The following MDM1 variants were observed in gnomAD, a reference collection of about 807,000 sequenced individuals.
The protein encoded by MDM1 is stabilizer of axonemal microtubules 6.
A neutral mutation model predicts 89.1 loss-of-function variants in MDM1; 61 were observed. The observed-to-expected ratio is 0.68, with a 90% CI of 0.56 to 0.85. The LOEUF (loss-of-function observed/expected upper bound fraction) is 0.85. Among genes scored for constraint, MDM1 ranks in the 40% least tolerant of loss-of-function variants. The pLI is 0.00. For missense variants in MDM1, 820 were observed against 846.5 expected, an observed-to-expected ratio of 0.97 and a Z score of 0.39; for synonymous variants, 290 against 294.1, an observed-to-expected ratio of 0.99 and a Z score of 0.14.
Position 68,313,432 on chromosome 12 carries a change from A to T in MDM1, c.1749+11T>A. On this transcript the variant is annotated intron_variant, in intron 12 of 14. Transcript: ENST00000682720. ...CTAGATGAGATGCTTTTTTCCCCAA[A>T]ACATGTTTACCTTAGTAAAATCATT... is the stretch of plus-strand genomic sequence containing the variant. The T allele has an allele frequency of 1.3e-6, 2 of 1,581,588 alleles. No homozygotes were observed. Among genetic ancestry groups the T allele is most frequent in the Non-Finnish European group, 1.7e-6 (2 of 1,153,784 alleles).
At chr12:68,318,969 T>C (rs1357089666) in intron 7 of MDM1, among the ~76,000 whole-genome samples, 1 of 152,204 alleles carries the variant, frequency 6.6e-6, no homozygotes, top group African/African-American at 2.4e-5. Context: ...GTCTTTACAA[T>C]GTCTGTCAAA....
In MDM1 at chr12:68,315,196, C is replaced by G. The variant is rs147359308; in HGVS notation, c.1281G>C (p.Val427=). The change falls in exon 10 of 15, where the codon GTG becomes GTC. Residue 427 remains valine, a synonymous_variant. Transcript: ENST00000682720. ...TGGTATTTTTCTGGGGCTGTTCTTC[C>G]ACGATATTTCCTTTTTCTTCTGGTT... ...STEPEEKGNI[V]EEQPQKNTTE... 622 of 1,614,066 alleles carry G rather than the reference C, an allele frequency of 3.9e-4. No individual in the cohort carries two copies. The highest frequency in any genetic ancestry group is 4.8e-4 in the Non-Finnish European group (564 of 1,180,034).
rs1875458886 is a variant in MDM1 at position 68,323,114 on chromosome 12, T to A, written c.760A>T (p.Arg254Ter). 1 of 1,609,594 alleles carries A rather than the reference T, an allele frequency of 6.2e-7. No individual in the cohort carries two copies. Among genetic ancestry groups the A allele is most frequent in the African/African-American group, 1.3e-5 (1 of 74,624 alleles). Residue 254 changes from arginine (R) to a stop codon, truncating the protein, a stop_gained, in exon 5 of 15, where the codon AGA (arginine) becomes TGA (stop). Coordinates refer to ENST00000682720, the MANE Select transcript of MDM1 (RefSeq NM_001354969.2). LOFTEE classifies it high-confidence loss of function. ...ACTGTTTCAAGATTTCTGTTTTCTC[T>A]CAAATCATTTCTTAATTTTGGTTCT... ...VKEPKLRNDL[R>*]ENRNLETVSP... is the part of the protein sequence containing the mutation.
intron 1 of MDM1, 173 bp downstream of exon 1, chr12:68,332,055 C>T: frequency 1.2e-6 from 1 of 808,380 alleles, no homozygotes; most frequent in East Asian, 2.7e-5. Flanking sequence ...GGAGAGGGAA[C>T]TAGGTTAAGA....
chr12:68,327,145 T>TAC (rs1362591531), intron 2 of MDM1, 124 bp from the exon 3 acceptor site: 4 of 1,410,220 alleles, frequency 2.8e-6, no homozygotes, highest in South Asian at 3.3e-5. Flanking sequence ...TACCTATATA[T>TAC]ACACACAATA....
At chr12:68,316,404 T>A (rs1874512085) in intron 8 of MDM1, 151 bp from the exon 9 acceptor site, 1 of 991,044 alleles carries the variant, frequency 1.0e-6, no homozygotes, top group African/African-American at 1.6e-5. Flanking sequence ...AGACTGTGCA[T>A]TTAAGCAAAA....
chr12:68,303,872 G>A (rs760501087), intron 12 of MDM1, among the ~76,000 whole-genome samples: 7 of 152,098 alleles, frequency 4.6e-5, no homozygotes, highest in Non-Finnish European at 1.0e-4. Flanking sequence ...TTTTAGTTTG[G>A]TCAGTATTTG....
intron 2 of MDM1, 36 bp downstream of exon 2, chr12:68,331,071 C>A (rs1235662259): frequency 5.8e-6 from 7 of 1,206,858 alleles, no homozygotes; most frequent in African/African-American, 3.0e-5. Flanking sequence ...ATAAACTTAG[C>A]CCAGGTTAGA....
Position 68,326,722 on chromosome 12 carries a change from G to C in MDM1, c.433C>G (p.Pro145Ala), listed in dbSNP as rs1392139007. ...TCCAGTTCCACATTTTCATTAACTG[G>C]TGTATGGTTTGTTACACCCTCATTA... ...ENNEGVTNHT[P>A]VNENVELEHS... The change falls in exon 3 of 15, where the codon CCA becomes GCA. Residue 145 changes from proline (P) to alanine (A), a missense_variant. Transcript: ENST00000682720. 1.2e-6 allele frequency: 2 copies of C among 1,614,080 alleles called. No homozygotes were observed. The highest frequency in any genetic ancestry group is 2.7e-5 in the African/African-American group (2 of 75,014).
At chr12:68,318,175 G>A (rs777313356) in intron 7 of MDM1, among the ~76,000 whole-genome samples, 33 of 152,260 alleles carry the variant, frequency 2.2e-4, no homozygotes, top group Admixed American at 3.3e-4. Context: ...AATATTGATG[G>A]GGGTCTATGC....
At chr12:68,322,788 T>C (rs1193157557) in intron 5 of MDM1, among the ~76,000 whole-genome samples, 1 of 152,258 alleles carries the variant, frequency 6.6e-6, no homozygotes, top group Non-Finnish European at 1.5e-5. Flanking sequence ...ACTAAACTTA[T>C]TAGACTTACT....
intron 4 of MDM1, among the ~76,000 whole-genome samples, chr12:68,324,521 C>A (rs1305568788): frequency 6.6e-6 from 1 of 152,112 alleles, no homozygotes; most frequent in East Asian, 1.9e-4. Flanking sequence ...TTTATAGGAT[C>A]ACTGGTGTTT....
At chr12:68,323,709 T>C (rs1438652115) in intron 4 of MDM1, among the ~76,000 whole-genome samples, 2 of 152,228 alleles carry the variant, frequency 1.3e-5, no homozygotes, top group Non-Finnish European at 2.9e-5. Context: ...ACTACACTTC[T>C]ATTGTTAAAT....
rs919535399 is a variant in MDM1, at chr12:68,323,020, A to C, written c.801+53T>G. On this transcript the variant is annotated intron_variant, in intron 5 of 14. Transcript: ENST00000682720. Reference sequence around the variant, plus strand: ...TGGTAGTAAGTAAACGAAAACGTGGAGAATCTAAAATAACGGGGATTTTGT... The same window carrying C: ...TGGTAGTAAGTAAACGAAAACGTGGCGAATCTAAAATAACGGGGATTTTGT... 4 of 1,536,038 alleles carry C rather than the reference A, an allele frequency of 2.6e-6. No individual in the cohort carries two copies. In the Admixed American group the frequency reaches 6.6e-5, roughly 25 times the overall value.
In MDM1 at chr12:68,331,357, T is replaced by A. The variant is rs1876791344; in HGVS notation, c.19-136A>T. On this transcript the variant is annotated intron_variant, in intron 1 of 14. Coordinates refer to ENST00000682720, the MANE Select transcript of MDM1 (RefSeq NM_001354969.2). The stretch of plus-strand genomic sequence containing the variant: ...AATTAAACACAGACGAGCTCCTTAA[T>A]AAGAGCTAATATTCACCCAGCCCTG... The A allele has an allele frequency of 6.1e-6, 4 of 652,898 alleles. No individual in the cohort carries two copies. In the East Asian group the frequency reaches 1.0e-4, roughly 17 times the overall value. The allele number at this position is 652,898 out of a possible 1,614,324, so 40.4% of individuals were successfully genotyped here.
rs377486597 is a variant in MDM1, at chr12:68,332,295, A to G, written c.-50T>C. 648 of 1,552,090 alleles carry G rather than the reference A, an allele frequency of 4.2e-4. 2 individuals carry two copies. The African/African-American group carries it at 7.8e-3, about 19-fold the overall frequency. ...TACTCCGACAGTTAACTGGAGAAAA[A>G]GCTCCGAGGGGGCGGGGCGATAACA... On this transcript the variant is annotated 5_prime_UTR_variant, in exon 1 of 15. Coordinates refer to ENST00000682720, the MANE Select transcript of MDM1 (RefSeq NM_001354969.2).
At chr12:68,321,808 T>G (rs1396840590) in intron 5 of MDM1, among the ~76,000 whole-genome samples, 180 bp from the exon 6 acceptor site, 1 of 152,182 alleles carries the variant, frequency 6.6e-6, no homozygotes. Context: ...TTTTAGTATA[T>G]TTGGTTAGTT....
In MDM1 at chr12:68,313,664, T is replaced by A; in HGVS notation, c.1619A>T (p.Asp540Val). 6.2e-7 allele frequency: 1 copy of A among 1,613,974 alleles called. No homozygotes were observed. Among genetic ancestry groups the A allele is most frequent in the Non-Finnish European group, 8.5e-7 (1 of 1,179,912 alleles). The change falls in exon 11 of 15, where the codon GAT (aspartate) becomes GTT (valine). Residue 540 changes from aspartate to valine, a missense_variant. Transcript: ENST00000682720. ...ATTACCAACAGCTGGAGTAGTGAGA[T>A]CATGATGAGTCCTCTGGATTCCACC... Reference protein sequence around the residue: ...ELGGIQRTHHDLTTPAVGGAV... With the variant: ...ELGGIQRTHHVLTTPAVGGAV...
At chr12:68,314,848 A>G in intron 10 of MDM1, 100 bp downstream of exon 10, 4 of 1,000,638 alleles carry the variant, frequency 4.0e-6, no homozygotes, top group Non-Finnish European at 5.9e-6. Flanking sequence ...GCAATTTATT[A>G]GTCATAAAAT....
Sources: allele counts gnomAD v4.1 joint callset (sites outside exome capture counted in the v4.1 genomes callset), GRCh38; gene constraint gnomAD v4.1.1; transcripts MANE v1.5; gene names NCBI Gene and HGNC (gene_info 2026-07-23, HGNC 2026-07-21).